MBD2: variants seen among roughly 807,000 people sequenced by gnomAD.
MBD2 encodes the protein methyl-CpG-binding domain protein 2.
In MBD2, 9 loss-of-function variants were observed where a neutral mutation model predicts 39.3. The observed-to-expected ratio is 0.23, with a 90% CI of 0.14 to 0.40. The LOEUF (loss-of-function observed/expected upper bound fraction) is 0.40. Ranked by LOEUF, MBD2 falls within the 10% of genes least tolerant of loss-of-function variation. The probability of loss-of-function intolerance (pLI) is 1.00; values close to 1 mark genes in which losing one functional copy is unlikely to be tolerated. For synonymous variants in MBD2, 233 were observed against 211.1 expected, an observed-to-expected ratio of 1.10 and a Z score of -0.90; for missense variants, 458 against 532.6, an observed-to-expected ratio of 0.86 and a Z score of 1.38.
intron 3 of MBD2, among the ~76,000 whole-genome samples, chr18:54,174,838 C>T (rs1023654431): frequency 6.6e-6 from 1 of 152,194 alleles, no homozygotes; most frequent in Non-Finnish European, 1.5e-5. Flanking sequence ...AAGGGGCTCT[C>T]TTATTTACCA....
rs1391895418 is a variant in MBD2, at chr18:54,198,452, C to T, written c.702+6546G>A. 7.9e-5 allele frequency among the ~76,000 whole-genome samples: 12 copies of T among 152,168 alleles called. No homozygotes were observed. In the East Asian group the frequency reaches 9.6e-4, roughly 12 times the overall value. On this transcript the variant is annotated intron_variant, in intron 2 of 6. Coordinates refer to ENST00000256429, the MANE Select transcript of MBD2 (RefSeq NM_003927.5). ...ACACAAGGCTGGATGCTGTGGCTCA[C>T]GCCTGTAATCCTAGCACTTTGGAAG...
intron 3 of MBD2, among the ~76,000 whole-genome samples, chr18:54,166,417 T>C (rs1286216034): frequency 2.0e-5 from 3 of 152,228 alleles, no homozygotes. Context: ...TAGATGGTTA[T>C]ATGCTGTATA....
At chr18:54,206,417 T>C (rs779165704) in intron 1 of MBD2, among the ~76,000 whole-genome samples, 3 of 152,204 alleles carry the variant, frequency 2.0e-5, no homozygotes, top group Non-Finnish European at 4.4e-5. Flanking sequence ...ATTGTGAGAA[T>C]TGTAGAATAC....
chr18:54,201,715 T>C (rs1389977644), intron 2 of MBD2, among the ~76,000 whole-genome samples: 1 of 151,696 alleles, frequency 6.6e-6, no homozygotes, highest in Non-Finnish European at 1.5e-5. Flanking sequence ...ACAAAGAAAT[T>C]AGCCGGGCGT....
intron 3 of MBD2, among the ~76,000 whole-genome samples, chr18:54,181,041 G>A (rs1177196962): frequency 1.3e-5 from 2 of 151,160 alleles, no homozygotes; most frequent in African/African-American, 2.4e-5. Context: ...CTACAGGCAC[G>A]CGCCACCATG....
chr18:54,205,286 G>A lies in MBD2; in HGVS notation c.543-129C>T, dbSNP rs993911874. ...TACATATTTTTAAAGAAATGTTAAAGTTTTGCTAGGCGCGATGGCTCACGC... is the reference window on the plus strand; with the variant it reads ...TACATATTTTTAAAGAAATGTTAAAATTTTGCTAGGCGCGATGGCTCACGC... On this transcript the variant is annotated intron_variant, in intron 1 of 6. Coordinates refer to ENST00000256429, the MANE Select transcript of MBD2 (RefSeq NM_003927.5). The A allele has an allele frequency of 1.7e-5, 15 of 887,242 alleles. No homozygotes were observed. In the Admixed American group the frequency reaches 1.8e-4, roughly 11 times the overall value. 55.0% of individuals were successfully genotyped at this position (887,242 alleles called of 1,614,324 possible).
chr18:54,224,193 G>C lies in MBD2; in HGVS notation c.367C>G (p.Arg123Gly), dbSNP rs2086639787. Reference protein sequence around the residue: ...GGGSGGGGAPRREPVPFPSGS... With the variant: ...GGGSGGGGAPGREPVPFPSGS... ...GACGGGAAAGGGACCGGCTCCCGCCGGGGGGCGCCGCCGCCACCGCTGCCG... is the reference window on the plus strand; with the variant it reads ...GACGGGAAAGGGACCGGCTCCCGCCCGGGGGCGCCGCCGCCACCGCTGCCG... The change falls in exon 1 of 7, where the codon CGG becomes GGG. Residue 123 changes from arginine (R) to glycine (G), a missense_variant. This residue lies in a region of MBD2 where 269 missense variants were observed against 236.0 expected (regional missense o/e 1.14). Coordinates refer to ENST00000256429, the MANE Select transcript of MBD2 (RefSeq NM_003927.5). The C allele has an allele frequency of 4.1e-6, 5 of 1,211,674 alleles. No individual in the cohort carries two copies. In the South Asian group the frequency reaches 1.6e-4, roughly 38 times the overall value. The allele number at this position is 1,211,674 out of a possible 1,614,324, so 75.1% of individuals were successfully genotyped here.
intron 2 of MBD2, among the ~76,000 whole-genome samples, chr18:54,201,031 G>C (rs1428679147): frequency 6.7e-6 from 1 of 149,988 alleles, no homozygotes; most frequent in Non-Finnish European, 1.5e-5. Flanking sequence ...AGTGAGCCAA[G>C]ATCACGCCAC....
chr18:54,172,887 T>C (rs1451807654), intron 3 of MBD2, among the ~76,000 whole-genome samples: 1 of 152,208 alleles, frequency 6.6e-6, no homozygotes, highest in Non-Finnish European at 1.5e-5. Flanking sequence ...CAAAGGGTTA[T>C]GGGAACAAAA....
chr18:54,202,879 A>G, intron 2 of MBD2: 1 of 1,249,812 alleles, frequency 8.0e-7, no homozygotes, highest in Non-Finnish European at 1.2e-6. Flanking sequence ...ATACAATGGC[A>G]AAGCACCAGG....
chr18:54,221,037 TA>T (rs1286858615), intron 1 of MBD2, among the ~76,000 whole-genome samples: 1 of 152,194 alleles, frequency 6.6e-6, no homozygotes, highest in East Asian at 1.9e-4. Flanking sequence ...CCATTTTACA[TA>T]AACAAGTAAA....
chr18:54,204,754 TTTTG>T (rs1214097542), intron 2 of MBD2, among the ~76,000 whole-genome samples: 1 of 152,158 alleles, frequency 6.6e-6, no homozygotes, highest in African/African-American at 2.4e-5. Flanking sequence ...CAAAGAAACC[TTTTG>T]TAAACAGCCC....
chr18:54,172,024 G>C (rs151021746), intron 3 of MBD2, among the ~76,000 whole-genome samples: 12 of 152,140 alleles, frequency 7.9e-5, no homozygotes, highest in African/African-American at 2.9e-4. Context: ...GCCATCAAAG[G>C]CTGATAATAA....
intron 1 of MBD2, among the ~76,000 whole-genome samples, chr18:54,212,142 A>C (rs905067416): frequency 3.9e-5 from 6 of 152,080 alleles, no homozygotes; most frequent in African/African-American, 1.4e-4. Flanking sequence ...ATATTGGTTT[A>C]ATCACTCTAT....
intron 6 of MBD2, among the ~76,000 whole-genome samples, chr18:54,159,398 T>C (rs1437425528): frequency 2.7e-5 from 4 of 150,228 alleles, no homozygotes; most frequent in African/African-American, 7.3e-5. Flanking sequence ...ACAGGGAAAA[T>C]AACAAGAAAA....
At chr18:54,155,397 G>C (rs2086045375) in intron 6 of MBD2, 86 bp from the exon 7 acceptor site, 1 of 151,564 alleles carries the variant, frequency 6.6e-6, no homozygotes, top group Non-Finnish European at 1.5e-5. Context: ...AAAAGAATTA[G>C]AGATTGAATT....
At chr18:54,204,717 A>T (rs569091184) in intron 2 of MBD2, among the ~76,000 whole-genome samples, 1 of 152,326 alleles carries the variant, frequency 6.6e-6, no homozygotes, top group East Asian at 1.9e-4. Context: ...TTTTGAGGGG[A>T]AAAAGAAAAA....
chr18:54,207,524 C>A (rs746159816), intron 1 of MBD2, among the ~76,000 whole-genome samples: 17 of 152,136 alleles, frequency 1.1e-4, no homozygotes, highest in Non-Finnish European at 2.4e-4. Flanking sequence ...GAGCAAAAAA[C>A]GTTATCAGTT....
At chr18:54,183,066 A>G (rs2086261714) in intron 3 of MBD2, among the ~76,000 whole-genome samples, 1 of 152,320 alleles carries the variant, frequency 6.6e-6, no homozygotes, top group African/African-American at 2.4e-5. Flanking sequence ...TTGGGGTGAA[A>G]GATAGGAAGA....
Sources: gnomAD v4.1 joint callset for allele counts (sites outside exome capture counted in the v4.1 genomes callset) on GRCh38, gnomAD v4.1.1 for gene constraint, gnomAD v4.1.1 regional missense constraint, MANE v1.5 for transcripts, NCBI Gene and HGNC (gene_info 2026-07-23, HGNC 2026-07-21) for gene names.